NAALADL2: variants seen among roughly 807,000 people sequenced by gnomAD.
NAALADL2 encodes the protein N-acetylated alpha-linked acidic dipeptidase like 2.
Under a neutral mutation model 87.2 loss-of-function variants are expected in NAALADL2, and 76 were observed. The ratio of observed to expected loss-of-function variants is 0.87; its 90% confidence interval spans 0.72 to 1.05. The LOEUF is 1.05. Ranked by LOEUF, NAALADL2 falls within the 50% of genes least tolerant of loss-of-function variation. The pLI, the probability that NAALADL2 is intolerant of heterozygous loss-of-function variation, is 0.00. For missense variants in NAALADL2, 1,089 were observed against 945.8 expected (o/e 1.15, Z -1.99); for synonymous variants, 354 against 331.0 (o/e 1.07, Z -0.75).
chr3:174,581,343 G>GA (rs1716145238), intron 2 of NAALADL2, among the ~76,000 whole-genome samples: 1 of 152,108 alleles, frequency 6.6e-6, no homozygotes, highest in Admixed American at 6.6e-5. Context: ...TCTGGGTGGG[G>GA]TCAGGGAAGA....
chr3:175,417,080 C>A (rs1581794980), intron 5 of NAALADL2, among the ~76,000 whole-genome samples: 4 of 116,476 alleles, frequency 3.4e-5, no homozygotes, highest in East Asian at 2.4e-4. Context: ...AAATATTAGT[C>A]AGAAAACAAG....
Position 175,787,737 on chromosome 3 carries a change from C to T in NAALADL2, c.2190-15268C>T, listed in dbSNP as rs1270607169. ...CTATCCGGCCATCTTGGCTCCTCCC[C>T]ACAACATAACGCTTTTAGAACAAAG... On this transcript the variant is annotated intron_variant, in intron 13 of 13. Transcript: ENST00000454872. 3.3e-5 allele frequency among the ~76,000 whole-genome samples: 5 copies of T among 152,046 alleles called. No individual in the cohort carries two copies. In the East Asian group the frequency reaches 9.7e-4, roughly 29 times the overall value.
chr3:175,453,222 T>C (rs1022147873), intron 6 of NAALADL2, among the ~76,000 whole-genome samples: 1 of 152,184 alleles, frequency 6.6e-6, no homozygotes, highest in Non-Finnish European at 1.5e-5. Context: ...CTTTGGAGTT[T>C]ATATGTGTGA....
intron 13 of NAALADL2, among the ~76,000 whole-genome samples, chr3:175,798,949 G>C (rs9830747): frequency 0.011 from 1,688 of 152,138 alleles, 38 homozygotes; most frequent in African/African-American, 0.039. Context: ...GGGTTTTGCA[G>C]ATGGGGAAAA....
At chr3:175,169,465 A>ATATATATG (rs2108898261) in intron 2 of NAALADL2, among the ~76,000 whole-genome samples, 1 of 150,938 alleles carries the variant, frequency 6.6e-6, no homozygotes. Context: ...GAATATATAT[A>ATATATATG]TATATATAAT....
At chr3:174,923,691 G>A (rs1303661714) in intron 1 of NAALADL2, among the ~76,000 whole-genome samples, 1 of 152,010 alleles carries the variant, frequency 6.6e-6, no homozygotes, top group Non-Finnish European at 1.5e-5. Context: ...CTGTTCTCAG[G>A]TAAAGAGAGA....
intron 5 of NAALADL2, among the ~76,000 whole-genome samples, chr3:175,382,756 C>T (rs1767935796): frequency 6.6e-6 from 1 of 151,452 alleles, no homozygotes; most frequent in Non-Finnish European, 1.5e-5. Flanking sequence ...TATTATAGCC[C>T]TCTAGGGAGA....
At chr3:175,158,554 A>G (rs1218965209) in intron 2 of NAALADL2, among the ~76,000 whole-genome samples, 1 of 152,146 alleles carries the variant, frequency 6.6e-6, no homozygotes, top group Non-Finnish European at 1.5e-5. Context: ...ATCAGGACAT[A>G]TCAGAAGAAA....
intron 3 of NAALADL2, among the ~76,000 whole-genome samples, chr3:174,807,170 T>G (rs1267443518): frequency 6.6e-6 from 1 of 152,164 alleles, no homozygotes; most frequent in Non-Finnish European, 1.5e-5. Flanking sequence ...CTACTTTAAT[T>G]GAATAACAGT....
At chr3:175,674,567 G>C (rs1038226879) in intron 11 of NAALADL2, among the ~76,000 whole-genome samples, 1 of 151,954 alleles carries the variant, frequency 6.6e-6, no homozygotes, top group Non-Finnish European at 1.5e-5. Context: ...CCCGGCGACA[G>C]TTTGTTTTTA....
At chr3:174,981,116 A>T (rs989534131) in intron 1 of NAALADL2, among the ~76,000 whole-genome samples, 5 of 152,206 alleles carry the variant, frequency 3.3e-5, no homozygotes, top group African/African-American at 1.2e-4. Flanking sequence ...TAGTAAGAGA[A>T]AGTTAAGTCG....
intron 1 of NAALADL2, among the ~76,000 whole-genome samples, chr3:174,879,912 C>A (rs567996985): frequency 6.6e-6 from 1 of 152,184 alleles, no homozygotes; most frequent in South Asian, 2.1e-4. Flanking sequence ...GATCTATGAG[C>A]AACACTTGAC....
intron 11 of NAALADL2, among the ~76,000 whole-genome samples, chr3:175,683,813 A>G (rs1735925012): frequency 1.3e-5 from 2 of 152,080 alleles, no homozygotes; most frequent in African/African-American, 4.8e-5. Flanking sequence ...AGATTTTCCA[A>G]AATTTAATGG....
intron 5 of NAALADL2, among the ~76,000 whole-genome samples, chr3:175,438,170 A>T (rs57649195): frequency 0.049 from 7,415 of 152,156 alleles, 438 homozygotes; most frequent in East Asian, 0.14. Context: ...AATAATGCAT[A>T]GCACAAAGCA....
intron 4 of NAALADL2, among the ~76,000 whole-genome samples, chr3:175,300,968 A>G (rs925672078): frequency 3.3e-5 from 5 of 151,860 alleles, no homozygotes; most frequent in African/African-American, 9.6e-5. Context: ...TCTCAACCTC[A>G]GGTGAGGTGG....
chr3:174,551,453 T>C (rs949818438), intron 2 of NAALADL2: 4 of 152,212 alleles, frequency 2.6e-5, no homozygotes, highest in African/African-American at 9.6e-5. Flanking sequence ...ACCCATCACA[T>C]CATTTTAAAT....
rs1733966380 is a variant in NAALADL2 at position 175,530,595 on chromosome 3, CCT to C, written c.1654-45445_1654-45444del. On this transcript the variant is annotated intron_variant, in intron 9 of 13. Transcript: ENST00000454872. ...GTGCAGAACCATCTGTGAACCAGGC[CCT>C]AGCCTTCTCTTCCTCTATCAACCAA... is the stretch of plus-strand genomic sequence containing the variant. 2.0e-5 allele frequency among the ~76,000 whole-genome samples: 3 copies of C among 152,238 alleles called. No homozygotes were observed. In the South Asian group the frequency reaches 6.2e-4, roughly 32 times the overall value.
At chr3:174,793,731 A>G (rs1052376855) in intron 3 of NAALADL2, among the ~76,000 whole-genome samples, 2 of 152,036 alleles carry the variant, frequency 1.3e-5, no homozygotes, top group Non-Finnish European at 2.9e-5. Flanking sequence ...TCTCTCATAC[A>G]GTGTCCTTTA....
rs767378736 is a variant in NAALADL2 at position 175,324,329 on chromosome 3, A to G, written c.1090+4A>G. ...ACGCCTGGTTACCCAAGTGTCGGTA[A>G]GTTTGTTGGTCATCATTATTATACT... On this transcript the variant is annotated splice_donor_region_variant and intron_variant, in intron 5 of 13. Transcript: ENST00000454872. 6.2e-7 allele frequency: 1 copy of G among 1,607,392 alleles called. No individual in the cohort carries two copies. Among genetic ancestry groups the G allele is most frequent in the South Asian group, 1.1e-5 (1 of 89,652 alleles).
Sources: gnomAD v4.1 joint callset for allele counts (sites outside exome capture counted in the v4.1 genomes callset) on GRCh38, gnomAD v4.1.1 for gene constraint, MANE v1.5 for transcripts, NCBI Gene and HGNC (gene_info 2026-07-23, HGNC 2026-07-21) for gene names.